The following PXDNL variants were observed in gnomAD, a reference collection of about 807,000 sequenced individuals.
The protein encoded by PXDNL is probable oxidoreductase PXDNL.
PXDNL carries 145 observed loss-of-function variants against 150.8 expected under a neutral mutation model. The observed-to-expected ratio is 0.96, with a 90% CI of 0.84 to 1.10. The LOEUF (loss-of-function observed/expected upper bound fraction) is 1.10, where lower values mean the gene tolerates loss of function less well. Among genes scored for constraint, PXDNL ranks in the 50% least tolerant of loss-of-function variants. The probability of loss-of-function intolerance (pLI) is 0.00; values close to 1 mark genes in which losing one functional copy is unlikely to be tolerated. For synonymous variants in PXDNL, 757 were observed against 725.7 expected, an observed-to-expected ratio of 1.04 and a Z score of -0.69; for missense variants, 2,087 against 1,873.9, an observed-to-expected ratio of 1.11 and a Z score of -2.10.
chr8:51,419,314 A>G (rs1268074545), intron 14 of PXDNL, among the ~76,000 whole-genome samples: 2 of 152,186 alleles, frequency 1.3e-5, no homozygotes, highest in African/African-American at 4.8e-5. Flanking sequence ...TTGTCCATAT[A>G]TTAGTTCAAT....
chr8:51,506,583 A>G (rs1345905109), intron 4 of PXDNL, among the ~76,000 whole-genome samples: 1 of 150,336 alleles, frequency 6.7e-6, no homozygotes, highest in Non-Finnish European at 1.5e-5. Context: ...TTACAGAAAA[A>G]GTCATGTTTC....
intron 4 of PXDNL, among the ~76,000 whole-genome samples, chr8:51,552,772 A>G (rs1034583063): frequency 1.3e-5 from 2 of 152,186 alleles, no homozygotes; most frequent in African/African-American, 4.8e-5. Context: ...AAAAATTACC[A>G]CTAAAGAATT....
At chr8:51,599,872 T>C (rs1813660636) in intron 2 of PXDNL, among the ~76,000 whole-genome samples, 1 of 104,138 alleles carries the variant, frequency 9.6e-6, no homozygotes, top group Admixed American at 1.1e-4. Context: ...ATCGTTTAGA[T>C]AATAAATTAT....
chr8:51,588,933 C>A (rs991042147), intron 3 of PXDNL, among the ~76,000 whole-genome samples: 1 of 152,110 alleles, frequency 6.6e-6, no homozygotes, highest in Non-Finnish European at 1.5e-5. Flanking sequence ...ATATTCCATC[C>A]AAAATTCACT....
rs1163628780 is a variant in PXDNL, at chr8:51,350,354, CTTTTT to C, written c.3902-4412_3902-4408del. Among the ~76,000 whole-genome samples the C allele has an allele frequency of 3.9e-4, 30 of 77,892 alleles. 1 individual carries two copies. The highest frequency in any genetic ancestry group is 1.5e-3 in the African/African-American group (29 of 19,156). 51.1% of individuals were successfully genotyped at this position (77,892 alleles called of 152,430 possible). ...AGTCTTTTATTAGCAAATGCAGCTT[CTTTTT>C]TTTTTTTTTTTTTTTTTGAGAGGGA... On this transcript the variant is annotated intron_variant, in intron 19 of 22. Transcript: ENST00000356297.
At chr8:51,497,589 A>G (rs1811080997) in intron 5 of PXDNL, among the ~76,000 whole-genome samples, 1 of 152,186 alleles carries the variant, frequency 6.6e-6, no homozygotes, top group South Asian at 2.1e-4. Flanking sequence ...TACAAGAAAA[A>G]AGCAAACAAC....
intron 4 of PXDNL, among the ~76,000 whole-genome samples, chr8:51,531,262 G>A (rs551353608): frequency 1.3e-5 from 2 of 152,332 alleles, no homozygotes; most frequent in South Asian, 4.1e-4. Context: ...TTGCCCATCA[G>A]GATGTGCCAT....
intron 12 of PXDNL, among the ~76,000 whole-genome samples, chr8:51,441,372 G>C (rs1327577775): frequency 6.6e-6 from 1 of 152,190 alleles, no homozygotes; most frequent in Non-Finnish European, 1.5e-5. Context: ...ATGGAGAAGA[G>C]AGTTGCCTCC....
At chr8:51,437,754 C>T (rs572917479) in intron 12 of PXDNL, among the ~76,000 whole-genome samples, 4 of 151,866 alleles carry the variant, frequency 2.6e-5, no homozygotes, top group Non-Finnish European at 2.9e-5. Context: ...GAAAAGTTGA[C>T]GGCACTATCC....
At chr8:51,472,358 C>T in intron 7 of PXDNL, 54 bp from the exon 8 acceptor site, 3 of 1,347,310 alleles carry the variant, frequency 2.2e-6, no homozygotes, top group Non-Finnish European at 3.2e-6. Context: ...TTATGGCCTT[C>T]CAAGATGCTG....
chr8:51,382,076 A>G (rs377404639), intron 17 of PXDNL, among the ~76,000 whole-genome samples: 1 of 152,050 alleles, frequency 6.6e-6, no homozygotes, highest in Non-Finnish European at 1.5e-5. Flanking sequence ...TGACCTTGTG[A>G]TCTGCCCGCC....
At position 51,408,282 on chromosome 8, in the gene PXDNL, G is replaced by A. The variant is rs777607356; in HGVS notation, c.3342C>T (p.Pro1114=). Reference sequence around the variant, plus strand: ...TCAGCTCAGGACTGAGAAGGTAGGAGGGTGCCCGCCATTTAGCAGCCACGC... The same window carrying A: ...TCAGCTCAGGACTGAGAAGGTAGGAAGGTGCCCGCCATTTAGCAGCCACGC... ...LFGVAAKWRA[P]SYLLSPELTQ... is the part of the protein sequence containing the mutation. The change falls in exon 17 of 23, where the codon CCC becomes CCT. Residue 1114 remains proline, a synonymous_variant. Transcript: ENST00000356297. The A allele has an allele frequency of 5.9e-5, 96 of 1,613,834 alleles. No individual in the cohort carries two copies. The highest frequency in any genetic ancestry group is 7.5e-5 in the Non-Finnish European group (89 of 1,179,876).
intron 9 of PXDNL, among the ~76,000 whole-genome samples, chr8:51,455,362 G>T (rs1019684021): frequency 6.6e-6 from 1 of 151,970 alleles, no homozygotes; most frequent in African/African-American, 2.4e-5. Flanking sequence ...GGTTTGTGTG[G>T]GCAAATGTGT....
chr8:51,629,568 A>T (rs1814444694), intron 2 of PXDNL, among the ~76,000 whole-genome samples: 1 of 152,206 alleles, frequency 6.6e-6, no homozygotes, highest in East Asian at 1.9e-4. Flanking sequence ...AACATCCAAG[A>T]AGTTCAGTGA....
In PXDNL at chr8:51,613,252, G is replaced by T. The variant is rs538116587; in HGVS notation, c.237-20554C>A. Among the ~76,000 whole-genome samples the T allele has an allele frequency of 1.5e-3, 227 of 152,094 alleles. 1 individual carries two copies. The highest frequency in any genetic ancestry group is 5.3e-3 in the African/African-American group (222 of 41,500). ...TATATGGCCAGAGGGATGTGAAGAT[G>T]TTAAGCCAGGGTTGATCATGAGTTC... On this transcript the variant is annotated intron_variant, in intron 2 of 22. Transcript: ENST00000356297.
At chr8:51,343,842 A>G (rs1806065084) in intron 20 of PXDNL, among the ~76,000 whole-genome samples, 2 of 152,198 alleles carry the variant, frequency 1.3e-5, no homozygotes, top group Admixed American at 1.3e-4. Context: ...ATGAAATGCC[A>G]AATAAAAGGG....
At chr8:51,772,992 C>A (rs1364646275) in intron 1 of PXDNL, among the ~76,000 whole-genome samples, 1 of 152,172 alleles carries the variant, frequency 6.6e-6, no homozygotes, top group Non-Finnish European at 1.5e-5. Context: ...TATAGCAACA[C>A]AACTGTGATC....
intron 1 of PXDNL, among the ~76,000 whole-genome samples, chr8:51,691,930 T>C (rs1325579031): frequency 6.6e-6 from 1 of 152,234 alleles, no homozygotes; most frequent in Admixed American, 6.5e-5. Context: ...CAGTCTCTTA[T>C]TAATTCAGGT....
chr8:51,422,362 C>T (rs1348941577), intron 14 of PXDNL, among the ~76,000 whole-genome samples: 2 of 152,048 alleles, frequency 1.3e-5, no homozygotes, highest in South Asian at 2.1e-4. Flanking sequence ...GTTCCTGGTG[C>T]CAAAAAGGTT....
Sources: allele counts gnomAD v4.1 joint callset (sites outside exome capture counted in the v4.1 genomes callset), GRCh38; gene constraint gnomAD v4.1.1; transcripts MANE v1.5; gene names NCBI Gene and HGNC (gene_info 2026-07-23, HGNC 2026-07-21).